Variants in DOCK4 observed in about 807,000 individuals in gnomAD.
DOCK4 encodes the protein dedicator of cytokinesis 4.
Under a neutral mutation model 268.1 loss-of-function variants are expected in DOCK4, and 97 were observed. That is an observed-to-expected ratio of 0.36 (90% CI 0.31 to 0.43). The LOEUF (loss-of-function observed/expected upper bound fraction) is 0.43, where lower values mean the gene tolerates loss of function less well. Ranked by LOEUF, DOCK4 falls within the 20% of genes least tolerant of loss-of-function variation. The probability of loss-of-function intolerance (pLI) is 1.00; values close to 1 mark genes in which losing one functional copy is unlikely to be tolerated. For missense variants in DOCK4, 2,145 were observed against 2,455.7 expected, an observed-to-expected ratio of 0.87 and a Z score of 2.67; for synonymous variants, 954 against 887.2, an observed-to-expected ratio of 1.08 and a Z score of -1.34.
At chr7:111,767,267 A>G (rs1480241507) in intron 37 of DOCK4, 149 bp from the exon 38 acceptor site, 1 of 619,002 alleles carries the variant, frequency 1.6e-6, no homozygotes, top group African/African-American at 2.1e-5. Flanking sequence ...TCACTCTGTC[A>G]CCAGGCTGGA....
chr7:111,753,067 C>T (rs1220529286), intron 42 of DOCK4, among the ~76,000 whole-genome samples: 1 of 149,060 alleles, frequency 6.7e-6, no homozygotes, highest in Admixed American at 6.8e-5. Flanking sequence ...CCTTTGGTGC[C>T]ACATGTTTCA....
chr7:111,901,558 AAAT>A, intron 14 of DOCK4, 116 bp downstream of exon 14: 1 of 1,045,218 alleles, frequency 9.6e-7, no homozygotes, highest in South Asian at 2.0e-5. Flanking sequence ...ATAAGATAGA[AAAT>A]AACGCAAATC....
intron 1 of DOCK4, among the ~76,000 whole-genome samples, chr7:112,135,721 T>C (rs1208522174): frequency 7.2e-6 from 1 of 138,932 alleles, no homozygotes; most frequent in African/African-American, 3.2e-5. Flanking sequence ...CCAATAGCTT[T>C]TTCTATTTCT....
At chr7:112,145,741 G>T (rs1473353033) in intron 1 of DOCK4, among the ~76,000 whole-genome samples, 1 of 151,840 alleles carries the variant, frequency 6.6e-6, no homozygotes, top group Non-Finnish European at 1.5e-5. Context: ...AACATGATTT[G>T]CATGGAAATC....
intron 1 of DOCK4, among the ~76,000 whole-genome samples, chr7:112,021,543 T>A (rs60743802): frequency 3.9e-5 from 6 of 152,328 alleles, no homozygotes; most frequent in African/African-American, 1.4e-4. Context: ...CGCCTTCCCA[T>A]GGGCAAGTCA....
chr7:111,855,118 C>T (rs1804894891), intron 23 of DOCK4, among the ~76,000 whole-genome samples: 1 of 152,080 alleles, frequency 6.6e-6, no homozygotes, highest in Admixed American at 6.6e-5. Flanking sequence ...GTGGACGGGG[C>T]CACATCACAG....
At chr7:111,782,617 C>G (rs1798856134) in intron 35 of DOCK4, among the ~76,000 whole-genome samples, 1 of 152,150 alleles carries the variant, frequency 6.6e-6, no homozygotes, top group Non-Finnish European at 1.5e-5. Context: ...TGGGATCCCA[C>G]ACGGGTCTCC....
At chr7:111,963,533 C>T (rs1797121042) in intron 8 of DOCK4, among the ~76,000 whole-genome samples, 1 of 53,262 alleles carries the variant, frequency 1.9e-5, no homozygotes, top group Non-Finnish European at 3.2e-5. Flanking sequence ...AGACTATATC[C>T]CACACCTGGC....
At chr7:111,763,731 T>C (rs1303843953) in intron 39 of DOCK4, among the ~76,000 whole-genome samples, 2 of 76,190 alleles carry the variant, frequency 2.6e-5, no homozygotes, top group African/African-American at 5.9e-5. Flanking sequence ...AGCTCTAGAC[T>C]GTCTGCTGCT....
intron 1 of DOCK4, among the ~76,000 whole-genome samples, chr7:112,182,655 T>C (rs1195727119): frequency 6.6e-6 from 1 of 152,204 alleles, no homozygotes; most frequent in Non-Finnish European, 1.5e-5. Context: ...AAGGAAACTA[T>C]AGGTCCAGAA....
chr7:111,788,419 T>A (rs966037149), intron 32 of DOCK4: 2 of 476,616 alleles, frequency 4.2e-6, no homozygotes, highest in African/African-American at 1.9e-5. Flanking sequence ...AGATTTGTTA[T>A]GTAACATATG....
intron 42 of DOCK4, among the ~76,000 whole-genome samples, chr7:111,750,616 C>T (rs1462411138): frequency 6.6e-6 from 1 of 152,126 alleles, no homozygotes; most frequent in African/African-American, 2.4e-5. Context: ...TGTAATGTCT[C>T]AGAAATCTCG....
At chr7:112,136,074 A>C (rs1489889525) in intron 1 of DOCK4, among the ~76,000 whole-genome samples, 1 of 152,196 alleles carries the variant, frequency 6.6e-6, no homozygotes, top group African/African-American at 2.4e-5. Context: ...CCAATTTCCA[A>C]AGATGCAGTG....
chr7:112,102,858 CTT>C (rs3997377), intron 1 of DOCK4, among the ~76,000 whole-genome samples: 48,055 of 152,092 alleles, frequency 0.32, 8,109 homozygotes, highest in Non-Finnish European at 0.38. Flanking sequence ...ATGCCAAACA[CTT>C]TTTTTAAATG....
At position 111,736,845 on chromosome 7, in the gene DOCK4, C is replaced by A. The variant is rs149384765; in HGVS notation, c.5305+72G>T. On this transcript the variant is annotated intron_variant, in intron 50 of 52. Coordinates refer to ENST00000428084, the MANE Select transcript of DOCK4 (RefSeq NM_001363540.2). ...GAGCACTGCTTTCCACACAGACACA[C>A]AGAAGACTGGAGAACATGAGGATAA... 4.6e-5 allele frequency: 63 copies of A among 1,374,604 alleles called. No homozygotes were observed. The East Asian group carries it at 1.5e-3, about 32-fold the overall frequency. 85.2% of individuals were successfully genotyped at this position (1,374,604 alleles called of 1,614,324 possible). A position where few individuals can be genotyped will look rare whatever the true frequency, so the allele number is the denominator to read the frequency against.
At chr7:112,184,293 G>T (rs779414058) in intron 1 of DOCK4, among the ~76,000 whole-genome samples, 4 of 152,160 alleles carry the variant, frequency 2.6e-5, no homozygotes, top group Non-Finnish European at 4.4e-5. Context: ...AGCCACACAG[G>T]TGAACACCAC....
intron 1 of DOCK4, among the ~76,000 whole-genome samples, chr7:112,177,575 G>A (rs1333809717): frequency 6.6e-6 from 1 of 152,086 alleles, no homozygotes; most frequent in Non-Finnish European, 1.5e-5. Flanking sequence ...CACCAACATA[G>A]CCTGAGTTCC....
chr7:111,845,452 C>A (rs1013328117), intron 24 of DOCK4, among the ~76,000 whole-genome samples: 2 of 152,118 alleles, frequency 1.3e-5, no homozygotes, highest in African/African-American at 4.8e-5. Flanking sequence ...AGGTCAGTGG[C>A]CATGTGGAAA....
Position 111,940,134 on chromosome 7 carries a change from T to C in DOCK4, c.953A>G (p.Asp318Gly), listed in dbSNP as rs1462569166. 1.2e-6 allele frequency: 2 copies of C among 1,613,918 alleles called. No individual in the cohort carries two copies. Among genetic ancestry groups the C allele is most frequent in the African/African-American group, 2.7e-5 (2 of 74,926 alleles). ...CATGTATACTTTCAGAATGAGGTCATCCTTTGTCTCTCCTGTTAGCAGGTC... is the reference window on the plus strand; with the variant it reads ...CATGTATACTTTCAGAATGAGGTCACCCTTTGTCTCTCCTGTTAGCAGGTC... Reference protein sequence around the residue: ...IADLLTGETKDDLILKVYMCN... With the variant: ...IADLLTGETKGDLILKVYMCN... The change falls in exon 11 of 53, where the codon GAT becomes GGT. Residue 318 changes from aspartate to glycine, a missense_variant. Asp to Gly is a moderately conservative substitution (Grantham distance 94). This residue lies in a region of DOCK4 where 1,598 missense variants were observed against 1,986.7 expected (regional missense o/e 0.80). Transcript: ENST00000428084.
Sources: allele counts gnomAD v4.1 joint callset (sites outside exome capture counted in the v4.1 genomes callset), GRCh38; gene constraint gnomAD v4.1.1; regional missense constraint gnomAD v4.1.1; transcripts MANE v1.5; gene names NCBI Gene and HGNC (gene_info 2026-07-23, HGNC 2026-07-21).